The following DCPH1 variants were observed in gnomAD, a reference collection of about 807,000 sequenced individuals.
The protein encoded by DCPH1 is damage-control phosphatase 1.
chr6:151,456,532 A>G, the DCPH1 span, among the ~76,000 whole-genome samples: 27 of 152,260 alleles, frequency 1.8e-4, no homozygotes, highest in Admixed American at 3.9e-4. Context: ...TGTTTATCAC[A>G]TAAACATAAT....
At chr6:151,453,177 A>C in the DCPH1 span, among the ~76,000 whole-genome samples, 1 of 152,224 alleles carries the variant, frequency 6.6e-6, no homozygotes, top group Non-Finnish European at 1.5e-5. Context: ...TGAGGCCAAC[A>C]AAGTGGCGCC....
chr6:151,455,938 C>G, the DCPH1 span, among the ~76,000 whole-genome samples: 1 of 152,158 alleles, frequency 6.6e-6, no homozygotes, highest in African/African-American at 2.4e-5. Flanking sequence ...GTGGTGATGA[C>G]TCTCAAGGAG....
At chr6:151,452,622 A>G in the DCPH1 span, 9 of 1,593,044 alleles carry the variant, frequency 5.6e-6, no homozygotes, top group Admixed American at 1.3e-4. Context: ...CTTTTGCGGA[A>G]AGCCGGGCCT....
the DCPH1 span, among the ~76,000 whole-genome samples, chr6:151,460,366 G>A: frequency 6.6e-6 from 1 of 151,714 alleles, no homozygotes; most frequent in South Asian, 2.1e-4. Flanking sequence ...TCCTCCCAAA[G>A]TGCTGGGATT....
At chr6:151,459,201 A>T in the DCPH1 span, among the ~76,000 whole-genome samples, 3 of 152,312 alleles carry the variant, frequency 2.0e-5, no homozygotes, top group African/African-American at 7.2e-5. Flanking sequence ...AGAATAAAAG[A>T]AGTTTTGCTT....
At chr6:151,458,434 C>T in the DCPH1 span, 3 of 1,613,416 alleles carry the variant, frequency 1.9e-6, no homozygotes, top group South Asian at 3.3e-5. Context: ...TTTGTTGATA[C>T]TGATATATGG....
At chr6:151,459,859 T>A in the DCPH1 span, among the ~76,000 whole-genome samples, 1 of 152,208 alleles carries the variant, frequency 6.6e-6, no homozygotes, top group African/African-American at 2.4e-5. Flanking sequence ...TGGATTATCC[T>A]TAATAAGCAC....
chr6:151,469,364 A>C, the DCPH1 span: 1 of 365,420 alleles, frequency 2.7e-6, no homozygotes, highest in Non-Finnish European at 4.8e-6. Flanking sequence ...ACTTTTTTTC[A>C]GGTTAAATAT....
the DCPH1 span, among the ~76,000 whole-genome samples, chr6:151,455,672 C>T: frequency 3.3e-5 from 5 of 152,162 alleles, no homozygotes; most frequent in African/African-American, 1.2e-4. Flanking sequence ...TGCCCAGGGA[C>T]GGGCAGGAGA....
the DCPH1 span, chr6:151,458,488 A>G: frequency 1.2e-6 from 2 of 1,613,340 alleles, no homozygotes; most frequent in Non-Finnish European, 1.7e-6. Context: ...AATGAAAGTG[A>G]TGGAAAATCA....
chr6:151,469,007 A>C, the DCPH1 span: 3 of 1,614,206 alleles, frequency 1.9e-6, no homozygotes, highest in Non-Finnish European at 1.7e-6. Context: ...GCTGAAATTC[A>C]GGTTGGTCTG....
the DCPH1 span, chr6:151,469,210 G>A: frequency 5.1e-6 from 5 of 989,802 alleles, no homozygotes; most frequent in Non-Finnish European, 7.2e-6. Flanking sequence ...GGCTCTGTAC[G>A]CGCTCAGGGA....
the DCPH1 span, among the ~76,000 whole-genome samples, chr6:151,457,686 T>G: frequency 1.6e-4 from 24 of 152,330 alleles, no homozygotes; most frequent in African/African-American, 5.8e-4. Context: ...AAAATGATCT[T>G]ATAAAAATAC....
chr6:151,468,323 T>C, the DCPH1 span: 1 of 1,509,340 alleles, frequency 6.6e-7, no homozygotes. Context: ...GGTGAATATT[T>C]TGTACTTTTT....
chr6:151,457,087 A>C, the DCPH1 span, among the ~76,000 whole-genome samples: 6 of 152,134 alleles, frequency 3.9e-5, no homozygotes, highest in South Asian at 1.0e-3. Context: ...CTTGGGCCTC[A>C]TGTGTTCTAG....
At chr6:151,462,233 G>C in the DCPH1 span, among the ~76,000 whole-genome samples, 2 of 152,114 alleles carry the variant, frequency 1.3e-5, no homozygotes, top group East Asian at 1.9e-4. Flanking sequence ...TATACATATA[G>C]AAAAATGTGC....
At chr6:151,455,602 G>T in the DCPH1 span, among the ~76,000 whole-genome samples, 1 of 152,068 alleles carries the variant, frequency 6.6e-6, no homozygotes, top group African/African-American at 2.4e-5. Context: ...GCCCTAAGGC[G>T]GTTTTTCCCT....
the DCPH1 span, among the ~76,000 whole-genome samples, chr6:151,463,481 A>G: frequency 6.6e-6 from 1 of 152,202 alleles, no homozygotes; most frequent in Non-Finnish European, 1.5e-5. Context: ...AGGAGGTTTA[A>G]TGATGTGCCA....
the DCPH1 span, chr6:151,468,520 A>G: frequency 4.3e-6 from 7 of 1,613,868 alleles, no homozygotes; most frequent in Admixed American, 1.7e-5. Context: ...AGCTTCTGCT[A>G]CTAGAGTGTA....
Sources: gnomAD v4.1 joint callset for allele counts (sites outside exome capture counted in the v4.1 genomes callset) on GRCh38, gnomAD v4.1.1 for gene constraint, MANE v1.5 for transcripts, NCBI Gene and HGNC (gene_info 2026-07-23, HGNC 2026-07-21) for gene names.